The following NR3C2 variants were observed in gnomAD, a reference collection of about 807,000 sequenced individuals.
NR3C2 encodes the protein mineralocorticoid receptor.
A neutral mutation model predicts 86.4 loss-of-function variants in NR3C2; 15 were observed. That is an observed-to-expected ratio of 0.17 (90% CI 0.12 to 0.27). The LOEUF (loss-of-function observed/expected upper bound fraction) is 0.27, where lower values mean the gene tolerates loss of function less well. Ranked by LOEUF, NR3C2 falls within the 10% of genes least tolerant of loss-of-function variation. NR3C2 has a pLI of 1.00. For synonymous variants in NR3C2, 458 were observed against 450.5 expected (o/e 1.02, Z -0.21); for missense variants, 960 against 1,195.6 (o/e 0.80, Z 2.91).
At chr4:148,190,366 T>A (rs772501200) in intron 4 of NR3C2, among the ~76,000 whole-genome samples, 1 of 152,238 alleles carries the variant, frequency 6.6e-6, no homozygotes, top group Non-Finnish European at 1.5e-5. Context: ...GGAGTTGACG[T>A]CCAATTTTAT....
At chr4:148,163,890 G>A (rs918620170) in intron 4 of NR3C2, among the ~76,000 whole-genome samples, 6 of 152,156 alleles carry the variant, frequency 3.9e-5, no homozygotes, top group Admixed American at 2.0e-4. Context: ...TAGCATTAGA[G>A]GGAAGTGACT....
chr4:148,307,670 C>G (rs1253490232), intron 2 of NR3C2, among the ~76,000 whole-genome samples: 3 of 151,918 alleles, frequency 2.0e-5, no homozygotes, highest in Non-Finnish European at 4.4e-5. Flanking sequence ...CCAGCACTAC[C>G]TTGGGGGTAG....
intron 2 of NR3C2, among the ~76,000 whole-genome samples, chr4:148,312,198 T>C (rs1157023594): frequency 1.3e-5 from 2 of 152,344 alleles, no homozygotes; most frequent in Middle Eastern, 3.4e-3. Context: ...TATTAGCAAG[T>C]GTAGTCTGTA....
At chr4:148,320,788 C>T (rs567948204) in intron 2 of NR3C2, among the ~76,000 whole-genome samples, 5 of 151,038 alleles carry the variant, frequency 3.3e-5, no homozygotes, top group East Asian at 1.9e-4. Context: ...ATTAGTCTTG[C>T]TAGCGGTCTA....
At chr4:148,168,491 A>G (rs1027994524) in intron 4 of NR3C2, among the ~76,000 whole-genome samples, 11 of 152,234 alleles carry the variant, frequency 7.2e-5, no homozygotes, top group Non-Finnish European at 1.2e-4. Context: ...ACGGAGACTC[A>G]CCATTTCAAG....
At chr4:148,373,433 T>A (rs764363991) in intron 2 of NR3C2, among the ~76,000 whole-genome samples, 52 of 151,676 alleles carry the variant, frequency 3.4e-4, no homozygotes, top group Admixed American at 2.8e-3. Context: ...TACCTTGGAT[T>A]CCCAACAAAG....
At chr4:148,417,884 T>C (rs1203566981) in intron 2 of NR3C2, among the ~76,000 whole-genome samples, 1 of 152,208 alleles carries the variant, frequency 6.6e-6, no homozygotes, top group Non-Finnish European at 1.5e-5. Flanking sequence ...TGAATAGCAT[T>C]ATATATTTAG....
At chr4:148,419,253 C>T (rs1749157378) in intron 2 of NR3C2, among the ~76,000 whole-genome samples, 2 of 152,114 alleles carry the variant, frequency 1.3e-5, no homozygotes, top group Non-Finnish European at 2.9e-5. Context: ...TCACAATGGT[C>T]CTCTTCCTGC....
chr4:148,252,525 C>T (rs1739627467), intron 3 of NR3C2, among the ~76,000 whole-genome samples: 2 of 152,086 alleles, frequency 1.3e-5, no homozygotes, highest in South Asian at 4.1e-4. Flanking sequence ...CTATTAGTAC[C>T]AATGGGAGAG....
intron 6 of NR3C2, among the ~76,000 whole-genome samples, chr4:148,151,939 G>C (rs1417681974): frequency 6.6e-6 from 1 of 152,178 alleles, no homozygotes. Context: ...CTTTTAAAAT[G>C]CATCATAAAA....
intron 2 of NR3C2, among the ~76,000 whole-genome samples, chr4:148,357,930 AT>A (rs1745629888): frequency 6.6e-6 from 1 of 152,202 alleles, no homozygotes; most frequent in Non-Finnish European, 1.5e-5. Context: ...AAAAATACAA[AT>A]ATCTTTAAAT....
intron 2 of NR3C2, among the ~76,000 whole-genome samples, chr4:148,305,600 A>G (rs1398745810): frequency 6.6e-6 from 1 of 152,154 alleles, no homozygotes; most frequent in East Asian, 1.9e-4. Flanking sequence ...AAAAATTAAG[A>G]AAAGGCTACG....
intron 2 of NR3C2, among the ~76,000 whole-genome samples, chr4:148,414,862 T>C (rs1748915416): frequency 6.6e-6 from 1 of 152,232 alleles, no homozygotes; most frequent in South Asian, 2.1e-4. Flanking sequence ...TAAGTCACTA[T>C]TTCCATGTCC....
At chr4:148,140,848 T>C (rs1302176458) in intron 6 of NR3C2, among the ~76,000 whole-genome samples, 6 of 152,248 alleles carry the variant, frequency 3.9e-5, no homozygotes, top group Admixed American at 6.5e-5. Context: ...CAGTCTCATA[T>C]TTGTTTTGCT....
At chr4:148,430,507 AC>A (rs1361641777) in intron 2 of NR3C2, among the ~76,000 whole-genome samples, 2 of 152,208 alleles carry the variant, frequency 1.3e-5, no homozygotes, top group Non-Finnish European at 2.9e-5. Flanking sequence ...AAAATAATTT[AC>A]AAAAATATTT....
chr4:148,097,184 G>A (rs1257818200), intron 8 of NR3C2, among the ~76,000 whole-genome samples: 3 of 152,142 alleles, frequency 2.0e-5, no homozygotes, highest in Non-Finnish European at 4.4e-5. Context: ...AAGACGTCAT[G>A]CAACTTAAAG....
chr4:148,090,314 G>A (rs549214847), intron 8 of NR3C2, among the ~76,000 whole-genome samples: 58 of 152,328 alleles, frequency 3.8e-4, no homozygotes, highest in African/African-American at 1.3e-3. Context: ...GATGGGCTTG[G>A]CACATGACCT....
At chr4:148,245,822 AT>A (rs1325439877) in intron 3 of NR3C2, among the ~76,000 whole-genome samples, 2 of 152,204 alleles carry the variant, frequency 1.3e-5, no homozygotes, top group Non-Finnish European at 2.9e-5. Context: ...AAAGAATTTC[AT>A]TTTCGATGGA....
chr4:148,165,086 G>GT (rs1207676130), intron 4 of NR3C2, among the ~76,000 whole-genome samples: 1 of 152,150 alleles, frequency 6.6e-6, no homozygotes, highest in Non-Finnish European at 1.5e-5. Flanking sequence ...CTAAGTAATA[G>GT]TTTTTTAAAA....
Sources: allele counts gnomAD v4.1 joint callset (sites outside exome capture counted in the v4.1 genomes callset), GRCh38; gene constraint gnomAD v4.1.1; transcripts MANE v1.5; gene names NCBI Gene and HGNC (gene_info 2026-07-23, HGNC 2026-07-21).